MTUS1: variants seen among roughly 807,000 people sequenced by gnomAD.
The protein encoded by MTUS1 is microtubule associated scaffold protein 1, also known as microtubule-associated tumor suppressor 1.
Under a neutral mutation model 120.8 loss-of-function variants are expected in MTUS1, and 109 were observed. The ratio of observed to expected loss-of-function variants is 0.90; its 90% CI spans 0.77 to 1.06. The LOEUF is 1.06. Ranked by LOEUF, MTUS1 falls within the 50% of genes least tolerant of loss-of-function variation. The pLI is 0.00. For missense variants in MTUS1, 2,210 were observed against 1,486.3 expected (o/e 1.49, Z -8.01); for synonymous variants, 737 against 550.5 (o/e 1.34, Z -4.74).
intron 7 of MTUS1, among the ~76,000 whole-genome samples, chr8:17,678,640 T>G (rs1253247478): frequency 2.6e-5 from 4 of 151,686 alleles, no homozygotes; most frequent in African/African-American, 9.7e-5. Context: ...ACCCACACAG[T>G]GAATTTGCTC....
chr8:17,688,748 G>C (rs1482646568), intron 6 of MTUS1, among the ~76,000 whole-genome samples: 1 of 152,074 alleles, frequency 6.6e-6, no homozygotes, highest in Admixed American at 6.5e-5. Context: ...TTTGTATAAA[G>C]TTTTCTAGTG....
At chr8:17,769,930 G>A (rs574584745) in intron 1 of MTUS1, among the ~76,000 whole-genome samples, 2 of 148,178 alleles carry the variant, frequency 1.3e-5, no homozygotes, top group Non-Finnish European at 3.0e-5. Context: ...ACACACACGG[G>A]GGGGGTTGGG....
intron 7 of MTUS1, 153 bp from the exon 8 acceptor site, chr8:17,675,405 A>G: frequency 1.6e-6 from 1 of 618,764 alleles, no homozygotes; most frequent in Non-Finnish European, 2.8e-6. Flanking sequence ...AAAGAAACAC[A>G]GTTGTCCCTT....
intron 3 of MTUS1, among the ~76,000 whole-genome samples, chr8:17,729,578 T>A (rs2046424360): frequency 6.6e-6 from 1 of 152,194 alleles, no homozygotes; most frequent in African/African-American, 2.4e-5. Context: ...GCTATTCTAT[T>A]GTGAAAATTA....
chr8:17,779,095 G>A (rs1279443255), intron 1 of MTUS1, among the ~76,000 whole-genome samples: 2 of 152,170 alleles, frequency 1.3e-5, no homozygotes, highest in African/African-American at 4.8e-5. Context: ...AGGCCTCTCT[G>A]AACAAGTCAC....
At chr8:17,679,035 T>C (rs1161887471) in intron 7 of MTUS1, among the ~76,000 whole-genome samples, 1 of 152,200 alleles carries the variant, frequency 6.6e-6, no homozygotes, top group African/African-American at 2.4e-5. Context: ...TAAGAATGTC[T>C]GATATGTAAT....
At chr8:17,763,586 C>A (rs1363317681) in intron 1 of MTUS1, among the ~76,000 whole-genome samples, 1 of 151,886 alleles carries the variant, frequency 6.6e-6, no homozygotes, top group East Asian at 1.9e-4. Context: ...CTCTTTTTTT[C>A]TCTTGGGAAT....
At chr8:17,775,347 C>G (rs2050338247) in intron 1 of MTUS1, among the ~76,000 whole-genome samples, 1 of 152,072 alleles carries the variant, frequency 6.6e-6, no homozygotes, top group Non-Finnish European at 1.5e-5. Context: ...TCAACCTTCC[C>G]AATCTACAGA....
chr8:17,688,744 TAA>T (rs1162717900), intron 6 of MTUS1, among the ~76,000 whole-genome samples: 18 of 152,230 alleles, frequency 1.2e-4, no homozygotes, highest in Admixed American at 1.2e-3. Context: ...TATGTTTGTA[TAA>T]AGTTTTCTAG....
intron 1 of MTUS1, among the ~76,000 whole-genome samples, chr8:17,763,674 G>C (rs533036252): frequency 5.4e-4 from 82 of 152,148 alleles, no homozygotes; most frequent in Non-Finnish European, 8.8e-4. Flanking sequence ...AGGATTAACA[G>C]TACCCTACCC....
At chr8:17,777,428 G>A (rs915529113) in intron 1 of MTUS1, among the ~76,000 whole-genome samples, 2 of 148,506 alleles carry the variant, frequency 1.3e-5, no homozygotes, top group African/African-American at 5.0e-5. Context: ...GACAGAGGGA[G>A]ACACTGTCTC....
intron 8 of MTUS1, among the ~76,000 whole-genome samples, chr8:17,657,058 C>CA (rs1219286349): frequency 0.15 from 8,187 of 55,346 alleles, 659 homozygotes; most frequent in East Asian, 0.2. Context: ...GATTCTGTCT[C>CA]AAAAAAAAAA....
chr8:17,770,655 T>C (rs1338743542), intron 1 of MTUS1: 2 of 152,222 alleles, frequency 1.3e-5, no homozygotes, highest in Non-Finnish European at 2.9e-5. Flanking sequence ...CAGTTCAGCC[T>C]TGCAGCAGTA....
At chr8:17,756,739 C>T (rs1429805001) in intron 1 of MTUS1, among the ~76,000 whole-genome samples, 1 of 125,932 alleles carries the variant, frequency 7.9e-6, no homozygotes, top group Non-Finnish European at 1.6e-5. Flanking sequence ...TAAAAGCAGT[C>T]ATAAGCGTGG....
intron 4 of MTUS1, among the ~76,000 whole-genome samples, chr8:17,718,332 T>C (rs202167966): frequency 6.6e-6 from 1 of 152,212 alleles, no homozygotes; most frequent in East Asian, 1.9e-4. Context: ...AAGAGATGCA[T>C]AATAGTTTCC....
intron 8 of MTUS1, among the ~76,000 whole-genome samples, chr8:17,661,998 C>G (rs1000717402): frequency 6.6e-6 from 1 of 152,160 alleles, no homozygotes; most frequent in Non-Finnish European, 1.5e-5. Flanking sequence ...CACATGTAAA[C>G]GCTGTATTAA....
chr8:17,650,952 G>A (rs1000944084), intron 12 of MTUS1, among the ~76,000 whole-genome samples: 5 of 152,168 alleles, frequency 3.3e-5, no homozygotes, highest in African/African-American at 7.2e-5. Flanking sequence ...CCGGGGCATT[G>A]GTTTCTGCTC....
At chr8:17,732,920 C>T (rs918176647) in intron 3 of MTUS1, among the ~76,000 whole-genome samples, 3 of 152,112 alleles carry the variant, frequency 2.0e-5, no homozygotes, top group Non-Finnish European at 2.9e-5. Context: ...GCCATCACAG[C>T]GACCCCCGCA....
chr8:17,688,969 T>A (rs1187834564), intron 6 of MTUS1, among the ~76,000 whole-genome samples: 1 of 152,176 alleles, frequency 6.6e-6, no homozygotes, highest in Non-Finnish European at 1.5e-5. Flanking sequence ...CCCAACATTT[T>A]GGGAGGCCAA....
Sources: allele counts gnomAD v4.1 joint callset (sites outside exome capture counted in the v4.1 genomes callset), GRCh38; gene constraint gnomAD v4.1.1; transcripts MANE v1.5; gene names NCBI Gene and HGNC (gene_info 2026-07-23, HGNC 2026-07-21).